The following ATXN8OS variants were observed in gnomAD, a reference collection of about 807,000 sequenced individuals.
ATXN8OS encodes ATXN8 opposite strand lncRNA, also known as ATXN8 opposite strand (non-protein coding).
At position 70,138,771 on chromosome 13, in the gene ATXN8OS, G is replaced by A. The variant is rs189352117; in HGVS notation, n.500-8584G>A. Among the ~76,000 whole-genome samples the A allele has an allele frequency of 1.3e-3, 205 of 151,968 alleles. 1 individual carries two copies. Among genetic ancestry groups the A allele is most frequent in the African/African-American group, 4.8e-3 (200 of 41,488 alleles). ...CACTAAACAATTATTAGTAATTAGA[G>A]GTAACATTTTAACCTTTAATTTAAA... On this transcript the variant is annotated intron_variant and non_coding_transcript_variant, in intron 3 of 4. Coordinates refer to ENST00000678624, the Ensembl canonical transcript of ATXN8OS.
intron 2 of ATXN8OS, among the ~76,000 whole-genome samples, chr13:70,123,104 C>T (rs752329864): frequency 1.3e-5 from 2 of 151,888 alleles, no homozygotes; most frequent in Non-Finnish European, 2.9e-5. Flanking sequence ...GTCTCTAAAT[C>T]GAAATTCTCC....
intron 2 of ATXN8OS, among the ~76,000 whole-genome samples, chr13:70,122,295 T>C (rs1404906278): frequency 6.6e-6 from 1 of 152,030 alleles, no homozygotes; most frequent in Non-Finnish European, 1.5e-5. Flanking sequence ...CTTTTGTTCA[T>C]CTAGTATTAC....
exon 5 of ATXN8OS, among the ~76,000 whole-genome samples, chr13:70,170,473 C>T (rs1336615555): frequency 3.9e-5 from 6 of 151,994 alleles, no homozygotes; most frequent in African/African-American, 1.5e-4. Context: ...GCTTTGGGAG[C>T]AGGGAATCAC....
chr13:70,149,863 T>A (rs1485128113), intron 4 of ATXN8OS, among the ~76,000 whole-genome samples: 6 of 151,918 alleles, frequency 3.9e-5, no homozygotes, highest in Admixed American at 2.6e-4. Context: ...AAACAAAAAC[T>A]TTTTTTTCCT....
intron 4 of ATXN8OS, among the ~76,000 whole-genome samples, chr13:70,167,723 C>CTTTTTTTTTTTTTTT (rs4053603): frequency 1.6e-5 from 1 of 61,882 alleles, no homozygotes; most frequent in African/African-American, 5.6e-5. Context: ...TATGTAACTT[C>CTTTTTTTTTTTTTTT]TTTTTTTTTT....
At chr13:70,107,806 C>A in exon 1 of ATXN8OS, 2 of 795,832 alleles carry the variant, frequency 2.5e-6, no homozygotes, top group Non-Finnish European at 3.9e-6. Context: ...GCGGGATGCG[C>A]CCTCTGCACC....
chr13:70,133,549 T>C (rs748049600), intron 3 of ATXN8OS, among the ~76,000 whole-genome samples: 1 of 152,196 alleles, frequency 6.6e-6, no homozygotes, highest in Non-Finnish European at 1.5e-5. Context: ...ATTTGGAAAT[T>C]AGGTCTTTGC....
exon 1 of ATXN8OS, chr13:70,107,995 C>T (rs1487459050): frequency 2.3e-6 from 1 of 442,932 alleles, no homozygotes; most frequent in Non-Finnish European, 4.0e-6. Flanking sequence ...TCGATGCCCG[C>T]GCGAGAGCCC....
In ATXN8OS at chr13:70,154,045, T is replaced by A. The variant is rs555556378; in HGVS notation, n.573+6617T>A. On this transcript the variant is annotated intron_variant and non_coding_transcript_variant, in intron 4 of 4. Coordinates refer to ENST00000678624, the Ensembl canonical transcript of ATXN8OS. ...TTCCTTCAATTTCATTCTCAAATGG[T>A]CTCTAGAGCCTCATCTATTTCTGTC... Among the ~76,000 whole-genome samples, 3 of 152,250 alleles carry A rather than the reference T, an allele frequency of 2.0e-5. No individual in the cohort carries two copies. The East Asian group carries it at 5.8e-4, about 29-fold the overall frequency.
At chr13:70,147,502 A>T (rs1335089291) in intron 4 of ATXN8OS, among the ~76,000 whole-genome samples, 2 of 152,136 alleles carry the variant, frequency 1.3e-5, no homozygotes, top group African/African-American at 4.8e-5. Context: ...TCCTGTTTCA[A>T]ATTGTATGAG....
At chr13:70,118,916 C>T (rs1466253707) in intron 2 of ATXN8OS, among the ~76,000 whole-genome samples, 1 of 150,882 alleles carries the variant, frequency 6.6e-6, no homozygotes, top group Non-Finnish European at 1.5e-5. Flanking sequence ...CAGATATATA[C>T]TTTTATACGA....
intron 3 of ATXN8OS, among the ~76,000 whole-genome samples, chr13:70,144,003 T>G (rs1411064299): frequency 1.3e-5 from 2 of 152,164 alleles, no homozygotes; most frequent in Admixed American, 6.6e-5. Flanking sequence ...TTCTATACCT[T>G]TATTGGTTTT....
chr13:70,164,987 T>C (rs1475352090), intron 4 of ATXN8OS, among the ~76,000 whole-genome samples: 1 of 151,932 alleles, frequency 6.6e-6, no homozygotes, highest in East Asian at 1.9e-4. Context: ...TCTAAAGGAC[T>C]CTAAAAGGTA....
rs1238302098 is a variant in ATXN8OS at position 70,160,789 on chromosome 13, T to TA, written n.574-8964_574-8963insA. ...TAATATGTAAATATATAAATATTTATTTATAAATATATTTATTATAAATAT... is the reference window on the plus strand; with the variant it reads ...TAATATGTAAATATATAAATATTTATATTATAAATATATTTATTATAAATAT... On this transcript the variant is annotated intron_variant and non_coding_transcript_variant, in intron 4 of 4. Coordinates refer to ENST00000678624, the Ensembl canonical transcript of ATXN8OS. Among the ~76,000 whole-genome samples, 2 of 20,980 alleles carry TA rather than the reference T, an allele frequency of 9.5e-5. 1 individual carries two copies. Among genetic ancestry groups the TA allele is most frequent in the African/African-American group, 1.8e-4 (2 of 11,106 alleles). 13.8% of individuals were successfully genotyped at this position (20,980 alleles called of 152,430 possible).
intron 2 of ATXN8OS, among the ~76,000 whole-genome samples, chr13:70,127,404 A>C (rs1403384535): frequency 6.6e-6 from 1 of 152,114 alleles, no homozygotes; most frequent in Non-Finnish European, 1.5e-5. Flanking sequence ...GATATCATCG[A>C]AAGAATATTA....
At chr13:70,116,459 G>C (rs777858481) in intron 2 of ATXN8OS, among the ~76,000 whole-genome samples, 10 of 152,156 alleles carry the variant, frequency 6.6e-5, no homozygotes, top group Non-Finnish European at 1.5e-4. Flanking sequence ...GAATAGAAAA[G>C]CAAGGGCCTG....
At chr13:70,128,137 TTTTG>T (rs1481565087) in intron 2 of ATXN8OS, among the ~76,000 whole-genome samples, 8 of 152,158 alleles carry the variant, frequency 5.3e-5, no homozygotes, top group African/African-American at 1.9e-4. Flanking sequence ...TTTGTCATAC[TTTTG>T]TTTATTTCGC....
chr13:70,112,244 C>G (rs572928434), intron 1 of ATXN8OS, among the ~76,000 whole-genome samples: 2 of 152,220 alleles, frequency 1.3e-5, no homozygotes, highest in Admixed American at 1.3e-4. Flanking sequence ...TAGGATCCTA[C>G]TCTAGCACCG....
At chr13:70,129,628 G>C (rs1023250435) in intron 2 of ATXN8OS, among the ~76,000 whole-genome samples, 1 of 152,016 alleles carries the variant, frequency 6.6e-6, no homozygotes, top group African/African-American at 2.4e-5. Context: ...ATTTTTATAT[G>C]TTACTATGTT....
Sources: allele counts gnomAD v4.1 joint callset (sites outside exome capture counted in the v4.1 genomes callset), GRCh38; gene constraint gnomAD v4.1.1; transcripts MANE v1.5; gene names NCBI Gene and HGNC (gene_info 2026-07-23, HGNC 2026-07-21).